Variants in EPHA4 observed in about 807,000 individuals in gnomAD.
The protein encoded by EPHA4 is EPH receptor A4, also known as ephrin type-A receptor 4.
In EPHA4, 19 loss-of-function variants were observed where a neutral mutation model predicts 108.3. That is an observed-to-expected ratio of 0.18 (90% CI 0.12 to 0.26). EPHA4 has a LOEUF of 0.26. EPHA4 is among the 10% of genes least tolerant of loss of function. EPHA4 has a pLI of 1.00. For synonymous variants in EPHA4, 449 were observed against 455.5 expected, an observed-to-expected ratio of 0.99 and a Z score of 0.18; for missense variants, 917 against 1,254.0, an observed-to-expected ratio of 0.73 and a Z score of 4.06.
At chr2:221,550,968 AAATT>A (rs549987821) in intron 3 of EPHA4, among the ~76,000 whole-genome samples, 14 of 152,214 alleles carry the variant, frequency 9.2e-5, no homozygotes, top group African/African-American at 3.1e-4. Flanking sequence ...GAAGTGTTTA[AAATT>A]AATATGATAT....
At chr2:221,446,457 A>G (rs899377105) in intron 8 of EPHA4, among the ~76,000 whole-genome samples, 3 of 152,094 alleles carry the variant, frequency 2.0e-5, no homozygotes, top group Admixed American at 2.0e-4. Flanking sequence ...TATAATTATA[A>G]TTTAAAATCT....
At chr2:221,504,868 G>T (rs1692584394) in intron 3 of EPHA4, among the ~76,000 whole-genome samples, 1 of 152,142 alleles carries the variant, frequency 6.6e-6, no homozygotes. Context: ...TTTAACTCCA[G>T]TGCTTATGTT....
chr2:221,461,165 G>A (rs1559250828), intron 5 of EPHA4, among the ~76,000 whole-genome samples: 1 of 152,164 alleles, frequency 6.6e-6, no homozygotes, highest in Non-Finnish European at 1.5e-5. Context: ...CAGAATTACT[G>A]AGAAAGAATT....
At chr2:221,544,900 T>C (rs766281496) in intron 3 of EPHA4, among the ~76,000 whole-genome samples, 40 of 152,042 alleles carry the variant, frequency 2.6e-4, no homozygotes, top group Non-Finnish European at 3.8e-4. Flanking sequence ...GAGGACAGAG[T>C]GAGAAGGCAG....
chr2:221,469,891 T>C (rs957199372), intron 5 of EPHA4, among the ~76,000 whole-genome samples: 60 of 152,312 alleles, frequency 3.9e-4, no homozygotes, highest in African/African-American at 1.4e-3. Context: ...ACCTAGTTTT[T>C]TAATCGTCAT....
At chr2:221,540,870 G>T (rs1489258426) in intron 3 of EPHA4, among the ~76,000 whole-genome samples, 1 of 151,822 alleles carries the variant, frequency 6.6e-6, no homozygotes, top group Non-Finnish European at 1.5e-5. Context: ...GAATTCGGGG[G>T]ATTACATTAA....
intron 3 of EPHA4, among the ~76,000 whole-genome samples, chr2:221,508,024 T>C (rs1204116020): frequency 6.6e-6 from 1 of 152,136 alleles, no homozygotes; most frequent in Non-Finnish European, 1.5e-5. Context: ...AATTTGCATT[T>C]CTTATATACT....
intron 17 of EPHA4, chr2:221,422,149 T>C (rs762010079): frequency 6.6e-6 from 1 of 152,110 alleles, no homozygotes; most frequent in Non-Finnish European, 1.5e-5. Flanking sequence ...ACATGAATGT[T>C]ATGTTGACAA....
At position 221,443,507 on chromosome 2, in the gene EPHA4, T is replaced by C; in HGVS notation, c.1874A>G (p.Lys625Arg). 1 of 1,613,716 alleles carries C rather than the reference T, an allele frequency of 6.2e-7. No homozygotes were observed. The highest frequency in any genetic ancestry group is 8.5e-7 in the Non-Finnish European group (1 of 1,179,798). ...CAGACACTTACCAACTCCTATAACT[T>C]TTTCAATCTTAATGCAGGATGCGTC... ...EIDASCIKIE[K>R]VIGVGEFGEV... The change falls in exon 10 of 18, where the codon AAA becomes AGA. Residue 625 changes from lysine to arginine, a missense_variant. This residue lies in a region of EPHA4 where 758 missense variants were observed against 1,076.7 expected (regional missense o/e 0.70). Transcript: ENST00000281821.
Position 221,418,913 on chromosome 2 carries a change from T to C in EPHA4, c.*2459A>G, listed in dbSNP as rs1020068649. On this transcript the variant is annotated 3_prime_UTR_variant, in exon 18 of 18. Transcript: ENST00000281821. ...GCATAGGCACATCCCTTAAAAAATA[T>C]ATTAAGGTCCCCAAAAAGGGGTGAA... 5.9e-5 allele frequency: 9 copies of C among 152,620 alleles called. No homozygotes were observed. Among genetic ancestry groups the C allele is most frequent in the African/African-American group, 1.9e-4 (8 of 41,438 alleles). The allele number at this position is 152,620 out of a possible 1,614,324, so 9.5% of individuals were successfully genotyped here. A position where few individuals can be genotyped will look rare whatever the true frequency, so the allele number is the denominator to read the frequency against.
At chr2:221,432,067 C>T (rs982796193) in intron 14 of EPHA4, among the ~76,000 whole-genome samples, 20 of 151,298 alleles carry the variant, frequency 1.3e-4, no homozygotes, top group Non-Finnish European at 1.9e-4. Flanking sequence ...GATGCCTTTT[C>T]GTGGATAAAG....
intron 3 of EPHA4, among the ~76,000 whole-genome samples, chr2:221,529,869 G>T (rs190039271): frequency 6.6e-6 from 1 of 152,252 alleles, no homozygotes; most frequent in East Asian, 1.9e-4. Flanking sequence ...TATTTTCCTG[G>T]ACATGAAGAC....
chr2:221,442,914 CTGTT>C lies in EPHA4; in HGVS notation c.1985_1988del (p.Lys662ArgfsTer6). 1 of 1,614,216 alleles carries C rather than the reference CTGTT, an allele frequency of 6.2e-7. No homozygotes were observed. The highest frequency in any genetic ancestry group is 8.5e-7 in the Non-Finnish European group (1 of 1,180,038). On this transcript the variant is annotated frameshift_variant, in exon 11 of 18. Transcript: ENST00000281821. LOFTEE classifies it high-confidence loss of function. ...TGGCCTCACTCAGGAAGTCTCTCCT[CTGTT>C]TGTCTGTATAACCAGCTTTCAGAGT...
intron 5 of EPHA4, among the ~76,000 whole-genome samples, chr2:221,478,069 A>G (rs1691711029): frequency 6.6e-6 from 1 of 152,066 alleles, no homozygotes; most frequent in Non-Finnish European, 1.5e-5. Flanking sequence ...AGGGAACACC[A>G]TTCATGGGGG....
intron 3 of EPHA4, among the ~76,000 whole-genome samples, chr2:221,550,771 G>C (rs1694135275): frequency 6.6e-6 from 1 of 151,678 alleles, no homozygotes; most frequent in African/African-American, 2.4e-5. Context: ...AAAAGAATTT[G>C]TCAAAATTCA....
At chr2:221,462,303 C>A (rs1032764328) in intron 5 of EPHA4, among the ~76,000 whole-genome samples, 1 of 151,942 alleles carries the variant, frequency 6.6e-6, no homozygotes, top group African/African-American at 2.4e-5. Flanking sequence ...AATTTTCAAA[C>A]CTTTACAGCA....
intron 5 of EPHA4, among the ~76,000 whole-genome samples, chr2:221,481,261 G>A (rs189435326): frequency 6.6e-6 from 1 of 152,316 alleles, no homozygotes; most frequent in African/African-American, 2.4e-5. Flanking sequence ...AACAGGAAAT[G>A]TTTTCTAGTC....
At chr2:221,435,513 C>CA (rs1455823039) in intron 13 of EPHA4, among the ~76,000 whole-genome samples, 2 of 151,870 alleles carry the variant, frequency 1.3e-5, no homozygotes, top group African/African-American at 4.8e-5. Context: ...CAACCAACAA[C>CA]AAAAAACCCC....
chr2:221,436,526 A>T lies in EPHA4; in HGVS notation c.2219T>A (p.Met740Lys). The change falls in exon 13 of 18, where the codon ATG becomes AAG. Residue 740 changes from methionine (M) to lysine (K), a missense_variant. By Grantham distance (95) the Met-to-Lys change is moderately conservative. Coordinates refer to ENST00000281821, the MANE Select transcript of EPHA4 (RefSeq NM_004438.5). Reference protein sequence around the residue: ...IGSGMKYLSDMSYVHRDLAAR... With the variant: ...IGSGMKYLSDKSYVHRDLAAR... ...GGCCAGATCACGATGCACATAGCTC[A>T]TATCAGATAAATACTTCATCCCAGA... The T allele has an allele frequency of 1.2e-6, 2 of 1,613,184 alleles. No individual in the cohort carries two copies. Among genetic ancestry groups the T allele is most frequent in the Non-Finnish European group, 1.7e-6 (2 of 1,179,120 alleles).
Sources: gnomAD v4.1 joint callset for allele counts (sites outside exome capture counted in the v4.1 genomes callset) on GRCh38, gnomAD v4.1.1 for gene constraint, gnomAD v4.1.1 regional missense constraint, MANE v1.5 for transcripts, NCBI Gene and HGNC (gene_info 2026-07-23, HGNC 2026-07-21) for gene names.